Variants in CDKL3 observed in about 807,000 individuals in gnomAD.
CDKL3 encodes the protein cyclin-dependent kinase-like 3.
CDKL3 carries 65 observed loss-of-function variants against 69.3 expected under a neutral mutation model. That is an observed-to-expected ratio of 0.94 (90% CI 0.77 to 1.15). CDKL3 has a LOEUF of 1.15. Among genes scored for constraint, CDKL3 ranks in the 50% most tolerant of loss-of-function variants. The pLI, the probability that CDKL3 is intolerant of heterozygous loss-of-function variation, is 0.00. For synonymous variants in CDKL3, 202 were observed against 221.6 expected (o/e 0.91, Z 0.79); for missense variants, 652 against 689.2 (o/e 0.95, Z 0.61).
intron 4 of CDKL3, among the ~76,000 whole-genome samples, chr5:134,332,748 T>C (rs1776112107): frequency 6.6e-6 from 1 of 152,230 alleles, no homozygotes; most frequent in South Asian, 2.1e-4. Flanking sequence ...GCTTTGTTCT[T>C]TTTGCTTAGG....
intron 12 of CDKL3, among the ~76,000 whole-genome samples, chr5:134,301,742 C>G (rs1766395994): frequency 6.6e-6 from 1 of 151,986 alleles, no homozygotes; most frequent in African/African-American, 2.4e-5. Context: ...AAAAAAATAG[C>G]TGGGTGTGGT....
rs190095955 is a variant in CDKL3, at chr5:134,323,276, G to A, written c.540-1373C>T. Among the ~76,000 whole-genome samples, 238 of 152,108 alleles carry A rather than the reference G, an allele frequency of 1.6e-3. 2 individuals carry two copies. The highest frequency in any genetic ancestry group is 5.1e-3 in the African/African-American group (210 of 41,490). On this transcript the variant is annotated intron_variant, in intron 4 of 12. Transcript: ENST00000265334. ...TAGCCAAATTTAGTCATTTCACAAC[G>A]TATATATATACCTCAAAACATCATG...
intron 8 of CDKL3, among the ~76,000 whole-genome samples, chr5:134,288,349 A>T (rs1764968914): frequency 6.6e-6 from 1 of 152,228 alleles, no homozygotes; most frequent in Admixed American, 6.5e-5. Context: ...GACATGGTAC[A>T]ACTCTAACTG....
rs113403053 is a variant in CDKL3, at chr5:134,348,578, T to TAA, written c.539+1669_539+1670dup. Among the ~76,000 whole-genome samples, 3 of 147,776 alleles carry TAA rather than the reference T, an allele frequency of 2.0e-5. No individual in the cohort carries two copies. The East Asian group carries it at 5.9e-4, about 29-fold the overall frequency. On this transcript the variant is annotated intron_variant, in intron 4 of 12. Coordinates refer to ENST00000265334, the MANE Select transcript of CDKL3 (RefSeq NM_001113575.2). The stretch of plus-strand genomic sequence containing the variant: ...AGGAACTTAACTTTTAGTGGGAGGT[T>TAA]AAAAAAAAAAGAGCTAGAGAAAGAA...
At chr5:134,366,273 C>T (rs1380632367) in intron 2 of CDKL3, 86 bp downstream of exon 2, 3 of 864,632 alleles carry the variant, frequency 3.5e-6, no homozygotes, top group African/African-American at 3.5e-5. Context: ...TGAATCAGTA[C>T]GTGTGAACTA....
At chr5:134,299,772 G>A (rs1561492500) in intron 12 of CDKL3, 2 of 1,439,100 alleles carry the variant, frequency 1.4e-6, no homozygotes, top group South Asian at 2.5e-5. Flanking sequence ...ATAGAAACAG[G>A]TCTTTAATTG....
chr5:134,302,806 G>A, intron 11 of CDKL3, 119 bp from the exon 12 acceptor site: 1 of 558,236 alleles, frequency 1.8e-6, no homozygotes, highest in Non-Finnish European at 3.1e-6. Context: ...TATTACAAAG[G>A]AACAAAATAA....
rs1757609388 is a variant in CDKL3 at position 134,367,059 on chromosome 5, G to A, written c.-104C>T. On this transcript the variant is annotated 5_prime_UTR_variant, in exon 1 of 13. An upstream open reading frame in the 5' UTR gains an earlier in-frame stop. Coordinates refer to ENST00000265334, the MANE Select transcript of CDKL3 (RefSeq NM_001113575.2). ...GCCCATTCTGTGGTCCCGCTGGTCT[G>A]GCTCTGCGTAGTTCCAGTGGAGCCA... 6 of 987,648 alleles carry A rather than the reference G, an allele frequency of 6.1e-6. No individual in the cohort carries two copies. The highest frequency in any genetic ancestry group is 7.2e-6 in the Non-Finnish European group (6 of 831,528). The allele number at this position is 987,648 out of a possible 1,614,324, so 61.2% of individuals were successfully genotyped here.
chr5:134,326,020 G>A (rs1331378862), intron 4 of CDKL3, among the ~76,000 whole-genome samples: 1 of 144,250 alleles, frequency 6.9e-6, no homozygotes, highest in African/African-American at 2.6e-5. Flanking sequence ...TGATCCGCAC[G>A]CCTCGGCCTC....
intron 2 of CDKL3, among the ~76,000 whole-genome samples, chr5:134,360,935 T>C (rs1040547446): frequency 6.6e-6 from 1 of 152,236 alleles, no homozygotes; most frequent in African/African-American, 2.4e-5. Context: ...TCTTCAGATA[T>C]GTGAACTACC....
intron 6 of CDKL3, among the ~76,000 whole-genome samples, chr5:134,317,246 C>T (rs932037323): frequency 6.6e-6 from 1 of 152,100 alleles, no homozygotes; most frequent in African/African-American, 2.4e-5. Context: ...AGTGATTCTC[C>T]TGTCTCAGCC....
chr5:134,305,048 C>T lies in CDKL3; in HGVS notation c.1459-481G>A, dbSNP rs546621722. On this transcript the variant is annotated intron_variant, in intron 10 of 12. Transcript: ENST00000265334. ...ATCTCAAACTCCTGGGCTCAAGTGA[C>T]CCTTCTGCCTTGGGCTCCCAAAATG... 3.3e-5 allele frequency among the ~76,000 whole-genome samples: 5 copies of T among 151,498 alleles called. No homozygotes were observed. In the East Asian group the frequency reaches 9.7e-4, roughly 29 times the overall value.
At chr5:134,349,031 T>C (rs543401870) in intron 4 of CDKL3, among the ~76,000 whole-genome samples, 3 of 152,340 alleles carry the variant, frequency 2.0e-5, no homozygotes, top group Non-Finnish European at 4.4e-5. Context: ...TCAGTTCTGC[T>C]ATTAAGCAGC....
chr5:134,321,584 T>C (rs1277733391), intron 5 of CDKL3, among the ~76,000 whole-genome samples: 3 of 152,208 alleles, frequency 2.0e-5, no homozygotes, highest in Non-Finnish European at 2.9e-5. Flanking sequence ...GGCTTAGCTA[T>C]TTGCATCCTA....
At chr5:134,325,850 G>A (rs1455176481) in intron 4 of CDKL3, among the ~76,000 whole-genome samples, 1 of 151,350 alleles carries the variant, frequency 6.6e-6, no homozygotes, top group Non-Finnish European at 1.5e-5. Flanking sequence ...TGGAGGCTTG[G>A]CCTCCCAGGT....
chr5:134,370,196 T>C (rs895460231), upstream of CDKL3, among the ~76,000 whole-genome samples: 18 of 152,206 alleles, frequency 1.2e-4, no homozygotes, highest in Admixed American at 1.2e-3. Context: ...CCTTTACCTG[T>C]TGAACTGAAC....
intron 6 of CDKL3, among the ~76,000 whole-genome samples, chr5:134,318,214 C>T (rs892665829): frequency 1.3e-5 from 2 of 148,812 alleles, no homozygotes; most frequent in African/African-American, 2.5e-5. Context: ...AGCAAAACTC[C>T]GTCTCAAAAA....
upstream of CDKL3, among the ~76,000 whole-genome samples, chr5:134,368,836 C>A (rs927697031): frequency 1.3e-5 from 2 of 151,894 alleles, no homozygotes; most frequent in Admixed American, 6.6e-5. Context: ...CCAGGAGTTC[C>A]AGACCAGCCT....
rs933353445 is a variant in CDKL3, at chr5:134,302,595, G to C, written c.1714C>G (p.Gln572Glu). The C allele has an allele frequency of 9.7e-6, 15 of 1,551,580 alleles. No individual in the cohort carries two copies. The highest frequency in any genetic ancestry group is 1.3e-5 in the Non-Finnish European group (15 of 1,130,112). ...CTATATACAAAAAGAGTTACCTCTTGTTTTTCTTGATTTTGATCCACGTTA... is the reference window on the plus strand; with the variant it reads ...CTATATACAAAAAGAGTTACCTCTTCTTTTTCTTGATTTTGATCCACGTTA... ...LLNVDQNQEKQEGGDGHCEGK... is the reference protein window; with the variant it reads ...LLNVDQNQEKEEGGDGHCEGK... The change falls in exon 12 of 13, where the codon CAA becomes GAA. Residue 572 changes from glutamine to glutamate, a missense_variant. Physicochemically the swap from Gln to Glu is conservative, Grantham distance 29 (BLOSUM62 2). Transcript: ENST00000265334.
Sources: gnomAD v4.1 joint callset for allele counts (sites outside exome capture counted in the v4.1 genomes callset) on GRCh38, gnomAD v4.1.1 for gene constraint, MANE v1.5 for transcripts, NCBI Gene and HGNC (gene_info 2026-07-23, HGNC 2026-07-21) for gene names.